The following MMP26 variants were observed in gnomAD, a reference collection of about 807,000 sequenced individuals.
MMP26 encodes matrix metallopeptidase 26.
In MMP26, 33 loss-of-function variants were observed where a neutral mutation model predicts 31.0. The observed-to-expected ratio is 1.06, with a 90% CI of 0.81 to 1.42. MMP26 has a LOEUF of 1.42. MMP26 is among the 40% of genes most tolerant of loss of function. MMP26 has a pLI of 0.00. For missense variants in MMP26, 347 were observed against 316.1 expected (o/e 1.10, Z -0.74); for synonymous variants, 122 against 114.9 (o/e 1.06, Z -0.40).
intron 2 of MMP26, among the ~76,000 whole-genome samples, chr11:4,956,483 G>C (rs1335339046): frequency 6.6e-6 from 1 of 152,132 alleles, no homozygotes; most frequent in East Asian, 1.9e-4. Context: ...TCCTTAATTG[G>C]CAGGTATTAG....
intron 2 of MMP26, among the ~76,000 whole-genome samples, chr11:4,872,405 C>G (rs936297952): frequency 2.0e-5 from 3 of 152,050 alleles, no homozygotes; most frequent in Non-Finnish European, 2.9e-5. Flanking sequence ...ACACTTCTAA[C>G]TGTAGATGTG....
intron 1 of MMP26, among the ~76,000 whole-genome samples, chr11:4,726,640 GTA>G (rs574690524): frequency 5.3e-4 from 81 of 152,328 alleles, no homozygotes; most frequent in African/African-American, 1.8e-3. Context: ...GCAGAGAGGA[GTA>G]TTATTTTTGA....
At chr11:4,717,739 A>G (rs1847954010) in intron 1 of MMP26, among the ~76,000 whole-genome samples, 2 of 152,230 alleles carry the variant, frequency 1.3e-5, no homozygotes, top group African/African-American at 4.8e-5. Context: ...TCCTGTGGAT[A>G]TGCATACCAT....
rs1178861436 is a variant in MMP26 at position 4,954,246 on chromosome 11, G to C, written c.-144-33822G>C. Among the ~76,000 whole-genome samples the C allele has an allele frequency of 3.2e-5, 4 of 123,174 alleles. 1 individual carries two copies. Among genetic ancestry groups the C allele is most frequent in the South Asian group, 2.5e-4 (1 of 4,056 alleles). 80.8% of individuals were successfully genotyped at this position (123,174 alleles called of 152,430 possible). A position where few individuals can be genotyped will look rare whatever the true frequency, so the allele number is the denominator to read the frequency against. On this transcript the variant is annotated intron_variant, in intron 2 of 7. Coordinates refer to ENST00000380390, the MANE Select transcript of MMP26 (RefSeq NM_021801.5). ...GACTTCTAGGGTGGGGAAATGATGG[G>C]GCGGGGATTGGACTGAAAAACTATC...
At chr11:4,754,866 T>C (rs1420713047) in intron 1 of MMP26, among the ~76,000 whole-genome samples, 1 of 152,018 alleles carries the variant, frequency 6.6e-6, no homozygotes, top group Non-Finnish European at 1.5e-5. Context: ...ACCTTAAATA[T>C]CTCAAAGCAA....
intron 2 of MMP26, among the ~76,000 whole-genome samples, chr11:4,796,893 G>T (rs1849114872): frequency 6.6e-6 from 1 of 152,020 alleles, no homozygotes; most frequent in Admixed American, 6.6e-5. Context: ...GCTCCTGGAA[G>T]CATTGCCATT....
At chr11:4,989,265 G>T (rs969053183) in intron 3 of MMP26, among the ~76,000 whole-genome samples, 1 of 152,128 alleles carries the variant, frequency 6.6e-6, no homozygotes, top group Admixed American at 6.5e-5. Flanking sequence ...TTTATGTCCT[G>T]GAGTGATTGA....
At chr11:4,777,594 A>C (rs1848805938) in intron 2 of MMP26, among the ~76,000 whole-genome samples, 1 of 152,132 alleles carries the variant, frequency 6.6e-6, no homozygotes, top group African/African-American at 2.4e-5. Context: ...TAACAGAAGA[A>C]ACCACTTTTT....
intron 2 of MMP26, among the ~76,000 whole-genome samples, chr11:4,807,208 G>T (rs556131809): frequency 1.3e-5 from 2 of 152,054 alleles, no homozygotes; most frequent in Non-Finnish European, 2.9e-5. Flanking sequence ...GGATCGCTGG[G>T]TCAAATGGTA....
At chr11:4,860,210 A>T in intron 2 of MMP26, 1 of 471,146 alleles carries the variant, frequency 2.1e-6, no homozygotes, top group Admixed American at 2.3e-5. Flanking sequence ...AAGGCCATGG[A>T]CACTAGGACT....
In MMP26 at chr11:4,869,049, C is replaced by T. The variant is rs528781286; in HGVS notation, c.-145+101708C>T. Reference sequence around the variant, plus strand: ...GCTGAAACTGGATCCTTCCTTACACCTTATACAAAAATTAATTCAAGATGG... The same window carrying T: ...GCTGAAACTGGATCCTTCCTTACACTTTATACAAAAATTAATTCAAGATGG... On this transcript the variant is annotated intron_variant, in intron 2 of 7. Transcript: ENST00000380390. 2.3e-4 allele frequency among the ~76,000 whole-genome samples: 35 copies of T among 152,254 alleles called. No individual in the cohort carries two copies. In the East Asian group the frequency reaches 6.0e-3, roughly 26 times the overall value.
intron 1 of MMP26, chr11:4,723,123 C>T (rs888270343): frequency 3.2e-6 from 5 of 1,580,050 alleles, no homozygotes; most frequent in East Asian, 2.2e-5. Context: ...GCCTCCAGCT[C>T]GGACAGCTTG....
At chr11:4,846,285 T>G (rs1849865669) in intron 2 of MMP26, among the ~76,000 whole-genome samples, 1 of 152,116 alleles carries the variant, frequency 6.6e-6, no homozygotes, top group Non-Finnish European at 1.5e-5. Context: ...TTATATTAAG[T>G]GACATATGCC....
At chr11:4,756,180 CAG>C (rs1848502647) in intron 1 of MMP26, among the ~76,000 whole-genome samples, 3 of 151,954 alleles carry the variant, frequency 2.0e-5, no homozygotes, top group Non-Finnish European at 4.4e-5. Flanking sequence ...TAATCAAAAA[CAG>C]AGTCAAGGGA....
rs578160267 is a variant in MMP26 at position 4,821,422 on chromosome 11, A to C, written c.-145+54081A>C. 2.5e-6 allele frequency: 4 copies of C among 1,613,938 alleles called. No homozygotes were observed. In the South Asian group the frequency reaches 3.3e-5, roughly 13 times the overall value. ...ATCCCTGTCTTCTCAGTGCTTCCCT[A>C]TGTCGGTCCTCAATAATACCATTGC... On this transcript the variant is annotated intron_variant, in intron 2 of 7. Transcript: ENST00000380390.
At chr11:4,892,701 A>G (rs1850642440) in intron 2 of MMP26, among the ~76,000 whole-genome samples, 1 of 152,144 alleles carries the variant, frequency 6.6e-6, no homozygotes, top group Non-Finnish European at 1.5e-5. Context: ...CAAAGAAAGT[A>G]CTATCTATAA....
intron 2 of MMP26, among the ~76,000 whole-genome samples, chr11:4,922,208 A>G (rs1381124800): frequency 6.6e-6 from 1 of 152,216 alleles, no homozygotes; most frequent in Non-Finnish European, 1.5e-5. Flanking sequence ...TTCTAGCTCT[A>G]CTAGTTAAAT....
At chr11:4,810,629 G>A (rs753161738) in intron 2 of MMP26, among the ~76,000 whole-genome samples, 2 of 152,230 alleles carry the variant, frequency 1.3e-5, no homozygotes, top group Non-Finnish European at 2.9e-5. Flanking sequence ...TAGAGTATCA[G>A]TGTTTACTAA....
chr11:4,893,580 G>T (rs140617934), intron 2 of MMP26, among the ~76,000 whole-genome samples: 4 of 152,050 alleles, frequency 2.6e-5, no homozygotes, highest in Admixed American at 6.6e-5. Context: ...CTTTTGTTCC[G>T]ATTCATTTCT....
Sources: allele counts gnomAD v4.1 joint callset (sites outside exome capture counted in the v4.1 genomes callset), GRCh38; gene constraint gnomAD v4.1.1; transcripts MANE v1.5; gene names NCBI Gene and HGNC (gene_info 2026-07-23, HGNC 2026-07-21).